The following DAB1 variants were observed in gnomAD, a reference collection of about 807,000 sequenced individuals.
The protein encoded by DAB1 is disabled homolog 1.
Under a neutral mutation model 64.6 loss-of-function variants are expected in DAB1, and 15 were observed. That is an observed-to-expected ratio of 0.23 (90% CI 0.16 to 0.36). DAB1 has a LOEUF of 0.36. Ranked by LOEUF, DAB1 falls within the 10% of genes least tolerant of loss-of-function variation. The probability of loss-of-function intolerance (pLI) is 1.00; values close to 1 mark genes in which losing one functional copy is unlikely to be tolerated. For missense variants in DAB1, 596 were observed against 706.7 expected, an observed-to-expected ratio of 0.84 and a Z score of 1.78; for synonymous variants, 235 against 251.9, an observed-to-expected ratio of 0.93 and a Z score of 0.64.
intron 5 of DAB1, among the ~76,000 whole-genome samples, chr1:58,052,282 C>T (rs1397119500): frequency 1.3e-5 from 2 of 152,196 alleles, no homozygotes; most frequent in Non-Finnish European, 2.9e-5. Flanking sequence ...ATTTTCCCAG[C>T]ACCATTTACT....
At chr1:57,814,013 C>T (rs1041355814) in intron 6 of DAB1, among the ~76,000 whole-genome samples, 2 of 152,210 alleles carry the variant, frequency 1.3e-5, no homozygotes, top group East Asian at 3.8e-4. Context: ...AATTATCAGG[C>T]AGCCTGGAAA....
intron 1 of DAB1, among the ~76,000 whole-genome samples, chr1:57,367,555 A>G (rs912239482): frequency 4.6e-5 from 7 of 152,210 alleles, no homozygotes; most frequent in African/African-American, 1.7e-4. Context: ...AATGGCAGCT[A>G]TCGAAAGAAA....
chr1:58,221,883 G>T (rs993427169), intron 4 of DAB1, among the ~76,000 whole-genome samples: 1 of 152,206 alleles, frequency 6.6e-6, no homozygotes, highest in South Asian at 2.1e-4. Flanking sequence ...TTCCTGTTCT[G>T]TAGGTCTGGC....
intron 5 of DAB1, among the ~76,000 whole-genome samples, chr1:58,149,495 T>C (rs549287508): frequency 2.0e-5 from 3 of 152,276 alleles, no homozygotes; most frequent in Non-Finnish European, 4.4e-5. Context: ...TGACAGCGGC[T>C]GCTATGGATA....
At chr1:57,480,174 G>A (rs1056854421) in intron 7 of DAB1, among the ~76,000 whole-genome samples, 1 of 147,038 alleles carries the variant, frequency 6.8e-6, no homozygotes, top group African/African-American at 2.5e-5. Context: ...AAAAGACAAA[G>A]CCAGATGGGA....
intron 4 of DAB1, among the ~76,000 whole-genome samples, chr1:58,237,589 C>T (rs1173313565): frequency 6.6e-6 from 1 of 151,814 alleles, no homozygotes; most frequent in Non-Finnish European, 1.5e-5. Context: ...GTAAAGGAGG[C>T]AGAATTGTTC....
intron 1 of DAB1, among the ~76,000 whole-genome samples, chr1:57,367,043 CAAAATAAAATAAAAT>C (rs148354078): frequency 0.14 from 12,503 of 91,524 alleles, 1,194 homozygotes; most frequent in East Asian, 0.31. Flanking sequence ...CCTGTCTCCA[CAAAATAAAATAAAAT>C]AAAATAAAAT....
intron 4 of DAB1, among the ~76,000 whole-genome samples, chr1:58,243,674 T>C (rs901319728): frequency 6.6e-6 from 1 of 152,222 alleles, no homozygotes; most frequent in Admixed American, 6.5e-5. Context: ...CTGAGAAACA[T>C]TCTCTTCTAT....
chr1:57,522,187 A>AAGGATGAGGTCTCAGGCTGAGGCC (rs1644535983), intron 7 of DAB1, among the ~76,000 whole-genome samples: 2 of 152,162 alleles, frequency 1.3e-5, no homozygotes, highest in South Asian at 4.1e-4. Flanking sequence ...CAACAAAGGC[A>AAGGATGAGGTCTCAGGCTGAGGCC]AGGATGAGGT....
chr1:57,842,681 A>G lies in DAB1; in HGVS notation n.88-16226T>C, dbSNP rs1653109432. 7.2e-5 allele frequency among the ~76,000 whole-genome samples: 11 copies of G among 152,304 alleles called. 1 individual carries two copies. In the South Asian group the frequency reaches 2.3e-3, roughly 32 times the overall value. On this transcript the variant is annotated intron_variant and non_coding_transcript_variant, in intron 1 of 1. Coordinates refer to the DAB1 transcript ENST00000477280. ...CAAGGGGGGGATGTGCCATACTTTAAAACCATCAGATCTTGTTAGAACTCA... is the reference window on the plus strand; with the variant it reads ...CAAGGGGGGGATGTGCCATACTTTAGAACCATCAGATCTTGTTAGAACTCA...
intron 1 of DAB1, among the ~76,000 whole-genome samples, chr1:57,318,670 GTT>G (rs1675423795): frequency 6.9e-6 from 1 of 144,726 alleles, no homozygotes; most frequent in Non-Finnish European, 1.5e-5. Flanking sequence ...CATAGGGCAC[GTT>G]GACTCAATAT....
chr1:57,657,281 T>C (rs1229554502), intron 6 of DAB1, among the ~76,000 whole-genome samples: 2 of 152,210 alleles, frequency 1.3e-5, no homozygotes, highest in Non-Finnish European at 2.9e-5. Context: ...ACTCTACAGC[T>C]GTTGGATGAG....
intron 1 of DAB1, among the ~76,000 whole-genome samples, chr1:57,834,890 T>A (rs1257879470): frequency 6.6e-6 from 1 of 152,176 alleles, no homozygotes; most frequent in Non-Finnish European, 1.5e-5. Context: ...GGGAACAGGA[T>A]AACCCAGGCC....
chr1:57,579,948 T>A (rs1485992021), intron 7 of DAB1, among the ~76,000 whole-genome samples: 3 of 151,974 alleles, frequency 2.0e-5, no homozygotes, highest in Non-Finnish European at 4.4e-5. Flanking sequence ...AGTGTCAGGG[T>A]TGGTCACAGA....
At chr1:57,370,935 G>C (rs1375037068) in intron 1 of DAB1, among the ~76,000 whole-genome samples, 1 of 152,194 alleles carries the variant, frequency 6.6e-6, no homozygotes, top group Admixed American at 6.5e-5. Context: ...TGCTGCTTCA[G>C]CATAAATCTT....
chr1:57,557,281 C>T (rs1025733029), intron 7 of DAB1, among the ~76,000 whole-genome samples: 1 of 152,158 alleles, frequency 6.6e-6, no homozygotes, highest in African/African-American at 2.4e-5. Flanking sequence ...TGGATGCTTC[C>T]TGTCCTTGAA....
intron 2 of DAB1, among the ~76,000 whole-genome samples, chr1:58,515,490 A>G (rs1646145781): frequency 6.6e-6 from 1 of 152,186 alleles, no homozygotes; most frequent in Admixed American, 6.5e-5. Flanking sequence ...CATAAGACTC[A>G]ACAGCTGAAA....
chr1:57,947,677 T>G (rs35037502), intron 5 of DAB1, among the ~76,000 whole-genome samples: 61,154 of 151,736 alleles, frequency 0.4, 13,410 homozygotes, highest in Admixed American at 0.51. Flanking sequence ...GCAAAGATCA[T>G]GAACTAAGGC....
At chr1:57,036,643 T>C (rs1647164641) in intron 9 of DAB1, among the ~76,000 whole-genome samples, 3 of 152,238 alleles carry the variant, frequency 2.0e-5, no homozygotes, top group South Asian at 2.1e-4. Context: ...TCTTACAGAT[T>C]TTTTTCATAC....
Sources: allele counts gnomAD v4.1 joint callset (sites outside exome capture counted in the v4.1 genomes callset), GRCh38; gene constraint gnomAD v4.1.1; transcripts MANE v1.5; gene names NCBI Gene and HGNC (gene_info 2026-07-23, HGNC 2026-07-21).